SPTBN5: variants seen among roughly 807,000 people sequenced by gnomAD.
SPTBN5 encodes spectrin beta chain, non-erythrocytic 5.
In SPTBN5, 513 loss-of-function variants were observed where a neutral mutation model predicts 477.6. The ratio of observed to expected loss-of-function variants is 1.07; its 90% CI spans 1.00 to 1.16. The LOEUF (loss-of-function observed/expected upper bound fraction) is 1.16. Among genes scored for constraint, SPTBN5 ranks in the 50% most tolerant of loss-of-function variants. The probability of loss-of-function intolerance (pLI) is 0.00; values close to 1 mark genes in which losing one functional copy is unlikely to be tolerated. For synonymous variants in SPTBN5, 2,169 were observed against 2,011.7 expected (o/e 1.08, Z -2.09); for missense variants, 5,062 against 4,731.8 (o/e 1.07, Z -2.05).
At chr15:41,884,446 C>T (rs940388075) in intron 7 of SPTBN5, among the ~76,000 whole-genome samples, 2 of 152,160 alleles carry the variant, frequency 1.3e-5, no homozygotes, top group African/African-American at 4.8e-5. Flanking sequence ...CACTTTCTCA[C>T]ATGCCACATC....
chr15:41,893,075 A>G lies in SPTBN5; in HGVS notation c.217-14T>C, dbSNP rs1567237452. 6.2e-7 allele frequency: 1 copy of G among 1,608,544 alleles called. No homozygotes were observed. The highest frequency in any genetic ancestry group is 1.7e-5 in the Admixed American group (1 of 59,692). On this transcript the variant is annotated splice_polypyrimidine_tract_variant and intron_variant, in intron 2 of 67. Coordinates refer to ENST00000320955, the MANE Select transcript of SPTBN5 (RefSeq NM_016642.4). ...CTTGATGCCCGCCTGGGGAGGGGACAGGGGTAAGTATGGGGTCAGCCCAGC... is the reference window on the plus strand; with the variant it reads ...CTTGATGCCCGCCTGGGGAGGGGACGGGGGTAAGTATGGGGTCAGCCCAGC...
At chr15:41,880,843 G>A (rs2066925885) in intron 13 of SPTBN5, among the ~76,000 whole-genome samples, 191 bp downstream of exon 13, 1 of 152,206 alleles carries the variant, frequency 6.6e-6, no homozygotes, top group Non-Finnish European at 1.5e-5. Context: ...CCTCCAGCCT[G>A]ACCTGGGCTA....
chr15:41,853,111 C>T (rs2065827252), intron 59 of SPTBN5, 111 bp from the exon 60 acceptor site: 4 of 1,423,810 alleles, frequency 2.8e-6, no homozygotes, highest in Non-Finnish European at 2.8e-6. Flanking sequence ...GGCTGTGAGA[C>T]CCGCACCTGC....
Position 41,863,773 on chromosome 15 carries a change from G to T in SPTBN5, c.7080C>A (p.Leu2360=). The T allele has an allele frequency of 6.2e-7, 1 of 1,613,774 alleles. No homozygotes were observed. The highest frequency in any genetic ancestry group is 2.2e-5 in the East Asian group (1 of 44,880). The stretch of plus-strand genomic sequence containing the variant: ...ACACGTGTATCTCCAAGGCCCCTTC[G>T]AGCTGCTGCTGGTACCGGAGCAAGT... The part of the protein sequence containing the change: ...HGNLLRYQQQ[L]EGALEIHVLS... The change falls in exon 41 of 68, where the codon CTC becomes CTA. Residue 2360 remains leucine, a synonymous_variant. Coordinates refer to ENST00000320955, the MANE Select transcript of SPTBN5 (RefSeq NM_016642.4).
chr15:41,884,560 T>G (rs2067086219), intron 7 of SPTBN5, among the ~76,000 whole-genome samples: 1 of 152,208 alleles, frequency 6.6e-6, no homozygotes, highest in South Asian at 2.1e-4. Flanking sequence ...AATAGCTTTG[T>G]AACTGGTCTC....
In SPTBN5 at chr15:41,865,838, C is replaced by A; in HGVS notation, c.6888G>T (p.Arg2296=). The change falls in exon 39 of 68, where the codon CGG becomes CGT. Residue 2296 remains arginine (R), a synonymous_variant. Transcript: ENST00000320955. ...CCGAGTTTCCTCGGAACTCGCGGAG[C>A]CGCCGTCGGAGCTGCAGGCAGTGCT... is the stretch of plus-strand genomic sequence containing the variant. ...DLEHCLQLRR[R]LREFRGNSAG... 6.3e-7 allele frequency: 1 copy of A among 1,575,674 alleles called. No individual in the cohort carries two copies. Among genetic ancestry groups the A allele is most frequent in the Non-Finnish European group, 8.6e-7 (1 of 1,161,234 alleles).
At chr15:41,850,042 C>CTG in intron 66 of SPTBN5, 83 bp from the exon 67 acceptor site, 1 of 1,194,942 alleles carries the variant, frequency 8.4e-7, no homozygotes, top group Admixed American at 2.0e-5. Context: ...CCTCCAGCTT[C>CTG]TGGAGGCTCA....
Position 41,887,910 on chromosome 15 carries a change from A to G in SPTBN5, c.659+18T>C. 1 of 1,602,512 alleles carries G rather than the reference A, an allele frequency of 6.2e-7. No individual in the cohort carries two copies. The highest frequency in any genetic ancestry group is 1.7e-5 in the Admixed American group (1 of 59,066). ...TGGCTCAGTGGGCAGAGGCCTCCTG[A>G]CAAGGGTGGGGTCACACCTGTGGGC... On this transcript the variant is annotated intron_variant, in intron 5 of 67. Coordinates refer to ENST00000320955, the MANE Select transcript of SPTBN5 (RefSeq NM_016642.4).
At chr15:41,883,321 C>T in intron 8 of SPTBN5, 27 bp downstream of exon 8, 2 of 1,611,084 alleles carry the variant, frequency 1.2e-6, no homozygotes, top group Non-Finnish European at 1.7e-6. Flanking sequence ...GCTGTGTTTC[C>T]CAAGGGCCTG....
At position 41,857,663 on chromosome 15, in the gene SPTBN5, G is replaced by T. The variant is rs749113413; in HGVS notation, c.8274C>A (p.Ile2758=). ...CTCCCAGCTCCTCCAGTCGCTCCTG[G>T]ATGGCCTCCGAGGCTGGGTGGCCCC... ...LQGGHPASEA[I]QERLEELGAL... Residue 2758 remains isoleucine, a synonymous_variant, in exon 50 of 68, where the codon ATC becomes ATA. Transcript: ENST00000320955. 39 of 1,588,870 alleles carry T rather than the reference G, an allele frequency of 2.5e-5. No homozygotes were observed.
At position 41,848,560 on chromosome 15, in the gene SPTBN5, C is replaced by G; in HGVS notation, c.*56G>C. The G allele has an allele frequency of 6.2e-7, 1 of 1,609,534 alleles. No homozygotes were observed. The highest frequency in any genetic ancestry group is 8.5e-7 in the Non-Finnish European group (1 of 1,175,912). On this transcript the variant is annotated 3_prime_UTR_variant, in exon 68 of 68. Transcript: ENST00000320955. ...CCTGTAGCTGAGTCTTATTCTGGTC[C>G]CTTAGATGTGTCCTCGCTTGTGCCC...
chr15:41,852,099 C>T (rs1050819229), intron 62 of SPTBN5, 83 bp downstream of exon 62: 1 of 1,474,194 alleles, frequency 6.8e-7, no homozygotes, highest in Non-Finnish European at 9.1e-7. Flanking sequence ...AGGGTGTGGG[C>T]CCTCACCCCC....
chr15:41,884,233 G>A (rs962624383), intron 7 of SPTBN5, among the ~76,000 whole-genome samples: 6 of 152,032 alleles, frequency 3.9e-5, no homozygotes, highest in African/African-American at 4.8e-5. Context: ...TGATCTGCCC[G>A]CCTCAGCCTC....
intron 53 of SPTBN5, among the ~76,000 whole-genome samples, chr15:41,856,094 T>C (rs898313001): frequency 1.3e-5 from 2 of 152,266 alleles, no homozygotes; most frequent in African/African-American, 4.8e-5. Flanking sequence ...CCTTTACAAT[T>C]GTATTCACCA....
intron 25 of SPTBN5, 67 bp from the exon 26 acceptor site, chr15:41,873,675 T>A: frequency 6.8e-7 from 1 of 1,465,470 alleles, no homozygotes; most frequent in Non-Finnish European, 9.3e-7. Flanking sequence ...CCTGGAGACA[T>A]CTGCCCCTGC....
At chr15:41,881,629 T>C (rs1337659472) in intron 12 of SPTBN5, among the ~76,000 whole-genome samples, 1 of 152,116 alleles carries the variant, frequency 6.6e-6, no homozygotes, top group Non-Finnish European at 1.5e-5. Flanking sequence ...ACTACTGGCC[T>C]GGGTGAAAGT....
chr15:41,859,077 G>C, intron 47 of SPTBN5, 97 bp from the exon 48 acceptor site: 4 of 923,766 alleles, frequency 4.3e-6, no homozygotes, highest in Middle Eastern at 3.5e-4. Context: ...TATACTCTGA[G>C]TCTGGAGTTT....
chr15:41,870,152 C>T, intron 31 of SPTBN5, 91 bp downstream of exon 31: 2 of 1,478,246 alleles, frequency 1.4e-6, no homozygotes, highest in South Asian at 2.6e-5. Flanking sequence ...ATGGGAGGCC[C>T]TGAGGGACAG....
rs753542528 is a variant in SPTBN5 at position 41,880,226 on chromosome 15, C to G, written c.2745G>C (p.Gln915His). 8.7e-6 allele frequency: 14 copies of G among 1,602,840 alleles called. No homozygotes were observed. The highest frequency in any genetic ancestry group is 1.3e-5 in the African/African-American group (1 of 74,756). ...CGELQLWLEK[Q>H]TVLLQRVQPQ... ...GCTGCACCCTTTGGAGCAGCACTGTCTGCTTCTCCAGCCACAACTGGAGCT... is the reference window on the plus strand; with the variant it reads ...GCTGCACCCTTTGGAGCAGCACTGTGTGCTTCTCCAGCCACAACTGGAGCT... Residue 915 changes from glutamine (Q) to histidine (H), a missense_variant, in exon 14 of 68, where the codon CAG (glutamine) becomes CAC (histidine). By Grantham distance (24) the Gln-to-His change is conservative (BLOSUM62 0). Coordinates refer to ENST00000320955, the MANE Select transcript of SPTBN5 (RefSeq NM_016642.4).
Sources: allele counts gnomAD v4.1 joint callset (sites outside exome capture counted in the v4.1 genomes callset), GRCh38; gene constraint gnomAD v4.1.1; transcripts MANE v1.5; gene names NCBI Gene and HGNC (gene_info 2026-07-23, HGNC 2026-07-21).